The following RAB3C variants were observed in gnomAD, a reference collection of about 807,000 sequenced individuals.
The protein encoded by RAB3C is ras-related protein Rab-3C.
In RAB3C, 17 loss-of-function variants were observed where a neutral mutation model predicts 26.4. The observed-to-expected ratio is 0.64, with a 90% confidence interval of 0.44 to 0.97. The LOEUF is 0.97. Among genes scored for constraint, RAB3C ranks in the 50% least tolerant of loss-of-function variants. The pLI is 0.00. For missense variants in RAB3C, 242 were observed against 281.9 expected (o/e 0.86, Z 1.01); for synonymous variants, 91 against 95.9 (o/e 0.95, Z 0.30).
In RAB3C at chr5:58,617,651, T is replaced by A. The variant is rs1209420122; in HGVS notation, c.33T>A (p.Ser11=). The A allele has an allele frequency of 6.2e-7, 1 of 1,612,608 alleles. No homozygotes were observed. Among genetic ancestry groups the A allele is most frequent in the Non-Finnish European group, 8.5e-7 (1 of 1,178,856 alleles). MRHEAPMQMA[S]AQDARYGQKD... is the part of the protein sequence containing the mutation. ...TTTTGTTTTTATCACAGATGGCCTC[T>A]GCCCAAGATGCCAGGTACGGCCAGA... Residue 11 remains serine (S), a synonymous_variant, in exon 2 of 5, where the codon TCT becomes TCA. Transcript: ENST00000282878.
intron 2 of RAB3C, among the ~76,000 whole-genome samples, chr5:58,642,032 C>T (rs966659822): frequency 2.6e-5 from 4 of 152,184 alleles, no homozygotes; most frequent in African/African-American, 9.7e-5. Context: ...AGTAGTAACA[C>T]CTGTGCATAG....
chr5:58,591,274 A>T (rs1161298057), intron 1 of RAB3C, among the ~76,000 whole-genome samples: 2 of 152,080 alleles, frequency 1.3e-5, no homozygotes, highest in African/African-American at 4.8e-5. Flanking sequence ...TGTTGCTAAG[A>T]CCTTTAATAT....
chr5:58,721,558 T>G (rs949259014), intron 2 of RAB3C, among the ~76,000 whole-genome samples: 12 of 151,802 alleles, frequency 7.9e-5, no homozygotes, highest in African/African-American at 2.7e-4. Context: ...TTATAAAATG[T>G]TTTTTTCTTT....
Position 58,838,990 on chromosome 5 carries a change from AT to A in RAB3C, c.497-12165del, listed in dbSNP as rs34573892. On this transcript the variant is annotated intron_variant, in intron 4 of 4. Transcript: ENST00000282878. Reference sequence around the variant, plus strand: ...CTTTTTATAGCTTTTGACTTGAAGCATTTTTTTTTAACTGCTGCAAGTATAG... The same window carrying A: ...CTTTTTATAGCTTTTGACTTGAAGCATTTTTTTTAACTGCTGCAAGTATAG... 5.3e-5 allele frequency among the ~76,000 whole-genome samples: 8 copies of A among 150,530 alleles called. No homozygotes were observed. The East Asian group carries it at 5.9e-4, about 11-fold the overall frequency.
At chr5:58,594,797 T>C (rs1478446762) in intron 1 of RAB3C, among the ~76,000 whole-genome samples, 2 of 152,022 alleles carry the variant, frequency 1.3e-5, no homozygotes, top group East Asian at 3.9e-4. Context: ...TTTTTAAAAA[T>C]GTTTAATGAT....
At chr5:58,809,690 T>C (rs6883884) in intron 3 of RAB3C, among the ~76,000 whole-genome samples, 59,608 of 151,276 alleles carry the variant, frequency 0.39, 14,363 homozygotes, top group African/African-American at 0.7. Context: ...GGTGCCCCCC[T>C]GACACACACC....
intron 2 of RAB3C, among the ~76,000 whole-genome samples, chr5:58,689,575 A>G (rs746268133): frequency 2.7e-4 from 41 of 151,978 alleles, no homozygotes; most frequent in Admixed American, 1.3e-4. Context: ...CAAAATTTGG[A>G]TTGTGGGGGT....
chr5:58,734,886 C>T (rs1741101712), intron 3 of RAB3C, among the ~76,000 whole-genome samples: 1 of 152,116 alleles, frequency 6.6e-6, no homozygotes. Flanking sequence ...AATTATTGTC[C>T]CAGAAGGGAA....
chr5:58,634,905 T>A (rs1047213352), intron 2 of RAB3C, among the ~76,000 whole-genome samples: 5 of 152,144 alleles, frequency 3.3e-5, no homozygotes, highest in African/African-American at 9.7e-5. Flanking sequence ...AAGACTTATT[T>A]CAAGATGAAG....
chr5:58,720,773 C>T (rs1740731474), intron 2 of RAB3C, among the ~76,000 whole-genome samples: 1 of 151,740 alleles, frequency 6.6e-6, no homozygotes, highest in Non-Finnish European at 1.5e-5. Flanking sequence ...CTATTTTTCT[C>T]TGTCTAGGTA....
intron 2 of RAB3C, among the ~76,000 whole-genome samples, chr5:58,678,862 T>C (rs1353136479): frequency 2.0e-5 from 3 of 152,218 alleles, no homozygotes; most frequent in Non-Finnish European, 4.4e-5. Flanking sequence ...TCTTTTACTA[T>C]CTTTGCTGGA....
chr5:58,685,892 T>C (rs1748435757), intron 2 of RAB3C, among the ~76,000 whole-genome samples: 1 of 152,174 alleles, frequency 6.6e-6, no homozygotes, highest in Non-Finnish European at 1.5e-5. Flanking sequence ...GGACGCATAG[T>C]TCAATATGGC....
At chr5:58,600,333 G>T (rs1316096721) in intron 1 of RAB3C, among the ~76,000 whole-genome samples, 2 of 151,962 alleles carry the variant, frequency 1.3e-5, no homozygotes, top group East Asian at 3.8e-4. Flanking sequence ...GCTCTTTTTG[G>T]TTTCATATGA....
chr5:58,808,078 A>T (rs1292746155), intron 3 of RAB3C, among the ~76,000 whole-genome samples: 1 of 151,938 alleles, frequency 6.6e-6, no homozygotes, highest in African/African-American at 2.4e-5. Flanking sequence ...ACAAAAAATT[A>T]GCCAGGCGTA....
chr5:58,589,482 A>G (rs938903357), intron 1 of RAB3C, among the ~76,000 whole-genome samples: 1 of 152,210 alleles, frequency 6.6e-6, no homozygotes, highest in Non-Finnish European at 1.5e-5. Flanking sequence ...TAAGATTAGC[A>G]TAGTTTGGTT....
intron 1 of RAB3C, among the ~76,000 whole-genome samples, chr5:58,599,560 T>C (rs1246933400): frequency 4.6e-5 from 7 of 152,126 alleles, no homozygotes; most frequent in Non-Finnish European, 7.4e-5. Flanking sequence ...GTGTGGGCTA[T>C]CTCCACTCTG....
chr5:58,780,725 C>T (rs567521570), intron 3 of RAB3C, among the ~76,000 whole-genome samples: 38 of 152,176 alleles, frequency 2.5e-4, no homozygotes, highest in African/African-American at 8.2e-4. Context: ...GTCTGTTTCA[C>T]GACCCTTTGT....
chr5:58,826,809 G>T (rs903557512), intron 4 of RAB3C, among the ~76,000 whole-genome samples: 1 of 152,154 alleles, frequency 6.6e-6, no homozygotes, highest in Non-Finnish European at 1.5e-5. Flanking sequence ...GGGATGATTT[G>T]GGATTAATCT....
intron 2 of RAB3C, among the ~76,000 whole-genome samples, chr5:58,648,206 C>G: frequency 6.6e-6 from 1 of 152,194 alleles, no homozygotes; most frequent in South Asian, 2.1e-4. Flanking sequence ...CAGAAGACCC[C>G]AGGTTGGCCT....
Sources: allele counts gnomAD v4.1 joint callset (sites outside exome capture counted in the v4.1 genomes callset), GRCh38; gene constraint gnomAD v4.1.1; transcripts MANE v1.5; gene names NCBI Gene and HGNC (gene_info 2026-07-23, HGNC 2026-07-21).